Variants in NAA40 observed in about 807,000 individuals in gnomAD.
NAA40 encodes N-alpha-acetyltransferase 40, NatD catalytic subunit.
Under a neutral mutation model 36.6 loss-of-function variants are expected in NAA40, and 26 were observed. The ratio of observed to expected loss-of-function variants is 0.71; its 90% CI spans 0.52 to 0.98. The LOEUF (loss-of-function observed/expected upper bound fraction) is 0.98, where lower values mean the gene tolerates loss of function less well. Among genes scored for constraint, NAA40 ranks in the 50% least tolerant of loss-of-function variants. NAA40 has a pLI of 0.00. For missense variants in NAA40, 237 were observed against 306.5 expected, an observed-to-expected ratio of 0.77 and a Z score of 1.69; for synonymous variants, 129 against 108.4, an observed-to-expected ratio of 1.19 and a Z score of -1.18.
In NAA40 at chr11:63,939,103, G is replaced by A. The variant is rs1942063661; in HGVS notation, c.6+1G>A. On this transcript the variant is annotated splice_donor_variant, in intron 1 of 7. Coordinates refer to ENST00000377793, the MANE Select transcript of NAA40 (RefSeq NM_024771.4). LOFTEE classifies it high-confidence loss of function. ...GAGCGTTGTCGCCGCCGCTATGGGGGTGAGTGAGGCAGAGAGAGGAGATGG... is the reference window on the plus strand; with the variant it reads ...GAGCGTTGTCGCCGCCGCTATGGGGATGAGTGAGGCAGAGAGAGGAGATGG... The A allele has an allele frequency of 1.9e-6, 3 of 1,605,352 alleles. No homozygotes were observed. Among genetic ancestry groups the A allele is most frequent in the South Asian group, 1.1e-5 (1 of 90,750 alleles).
In NAA40 at chr11:63,956,990, A is replaced by G. The variant is rs923851655; in HGVS notation, c.*2511A>G. 6.6e-6 allele frequency: 1 copy of G among 151,418 alleles called. No homozygotes were observed. The allele number at this position is 151,418 out of a possible 1,614,324, so 9.4% of individuals were successfully genotyped here. A position where few individuals can be genotyped will look rare whatever the true frequency, so the allele number is the denominator to read the frequency against. Reference sequence around the variant, plus strand: ...TCCATCTCAAAAAAAAAAAAAAGAGAAACATAGCAGGCCTTTTTTACCAGG... The same window carrying G: ...TCCATCTCAAAAAAAAAAAAAAGAGGAACATAGCAGGCCTTTTTTACCAGG... On this transcript the variant is annotated 3_prime_UTR_variant, in exon 8 of 8. Transcript: ENST00000377793.
chr11:63,954,196 G>GCTCCTGT, intron 7 of NAA40, 142 bp from the exon 8 acceptor site: 1 of 1,319,376 alleles, frequency 7.6e-7, no homozygotes, highest in Non-Finnish European at 1.0e-6. Flanking sequence ...GTATGGCAGT[G>GCTCCTGT]CTCTCTGATT....
chr11:63,944,946 G>C (rs1942162796), intron 1 of NAA40, among the ~76,000 whole-genome samples: 1 of 151,740 alleles, frequency 6.6e-6, no homozygotes, highest in Non-Finnish European at 1.5e-5. Context: ...TTTTGGATGA[G>C]GCCTGCCAGG....
At chr11:63,941,587 T>C (rs1421950290) in intron 1 of NAA40, among the ~76,000 whole-genome samples, 1 of 152,088 alleles carries the variant, frequency 6.6e-6, no homozygotes, top group African/African-American at 2.4e-5. Flanking sequence ...AGTTGTGCTC[T>C]TTTTGCCCAG....
At chr11:63,953,462 G>GC (rs1942314179) in intron 6 of NAA40, among the ~76,000 whole-genome samples, 1 of 152,234 alleles carries the variant, frequency 6.6e-6, no homozygotes, top group South Asian at 2.1e-4. Context: ...CAGGGCCGAT[G>GC]CCTGTGCAGT....
intron 1 of NAA40, among the ~76,000 whole-genome samples, chr11:63,940,363 A>G (rs998803336): frequency 6.6e-6 from 1 of 152,168 alleles, no homozygotes; most frequent in Non-Finnish European, 1.5e-5. Context: ...TAGTATTTAC[A>G]TGGAATTTCC....
At chr11:63,948,496 A>G (rs1005265834) in intron 3 of NAA40, among the ~76,000 whole-genome samples, 4 of 150,768 alleles carry the variant, frequency 2.7e-5, no homozygotes, top group Non-Finnish European at 5.9e-5. Context: ...AGGTGGGCGG[A>G]TCACGAGGTC....
rs1175932000 is a variant in NAA40, at chr11:63,945,861, G to C, written c.28G>C (p.Glu10Gln). Residue 10 changes from glutamate to glutamine, a missense_variant, in exon 2 of 8, where the codon GAG (glutamate) becomes CAG (glutamine). Coordinates refer to ENST00000377793, the MANE Select transcript of NAA40 (RefSeq NM_024771.4). ...GCAGAGAAAGTCAAGCAAAGCCAAG[G>C]AGAAGAAGCAGAAGCGGTTGGAGGA... MGRKSSKAK[E>Q]KKQKRLEERA... 6.2e-7 allele frequency: 1 copy of C among 1,614,166 alleles called. No homozygotes were observed.
At chr11:63,940,040 CTTTTTTTTTTTTT>C (rs10618202) in intron 1 of NAA40, among the ~76,000 whole-genome samples, 3 of 77,752 alleles carry the variant, frequency 3.9e-5, no homozygotes, top group Admixed American at 1.8e-4. Context: ...TGGCTGTATT[CTTTTTTTTTTTTT>C]TTTTTTTTTT....
intron 1 of NAA40, 141 bp downstream of exon 1, chr11:63,939,243 C>G: frequency 7.8e-7 from 1 of 1,283,990 alleles, no homozygotes; most frequent in Non-Finnish European, 1.0e-6. Flanking sequence ...TGACCCGACT[C>G]CCCCATTCTA....
intron 2 of NAA40, chr11:63,946,227 A>G (rs773217670): frequency 5.9e-5 from 22 of 370,944 alleles, no homozygotes; most frequent in South Asian, 3.6e-4. Context: ...TTTGTGTGAG[A>G]CAGGGTCTCA....
In NAA40 at chr11:63,954,045, T is replaced by C; in HGVS notation, c.568T>C (p.Leu190=). 2.5e-6 allele frequency: 4 copies of C among 1,614,142 alleles called. No homozygotes were observed. Among genetic ancestry groups the C allele is most frequent in the South Asian group, 1.1e-5 (1 of 91,080 alleles). Reference sequence around the variant, plus strand: ...TGCCTACCAGTTCTTCAGAGAAGCGTTGCAGTAAGGAGCTGGGTGTGGGCC... The same window carrying C: ...TGCCTACCAGTTCTTCAGAGAAGCGCTGCAGTAAGGAGCTGGGTGTGGGCC... The part of the protein sequence containing the change: ...HGAYQFFREA[L]QFEIDDSSPS... The change falls in exon 7 of 8, where the codon TTG becomes CTG. Residue 190 remains leucine, a synonymous_variant. Coordinates refer to ENST00000377793, the MANE Select transcript of NAA40 (RefSeq NM_024771.4).
intron 3 of NAA40, among the ~76,000 whole-genome samples, chr11:63,950,583 CGCCGGAGTA>C (rs1942264215): frequency 6.6e-6 from 1 of 152,032 alleles, no homozygotes; most frequent in Non-Finnish European, 1.5e-5. Flanking sequence ...CTGCCTCAGC[CGCCGGAGTA>C]GCTGGGATTA....
intron 3 of NAA40, among the ~76,000 whole-genome samples, chr11:63,950,455 T>C (rs1942261785): frequency 6.7e-6 from 1 of 149,298 alleles, no homozygotes; most frequent in Non-Finnish European, 1.5e-5. Context: ...TATCCCATAT[T>C]GTGATATCTC....
At chr11:63,941,047 C>A (rs941291269) in intron 1 of NAA40, among the ~76,000 whole-genome samples, 2 of 152,196 alleles carry the variant, frequency 1.3e-5, no homozygotes, top group African/African-American at 4.8e-5. Context: ...CCCTCAACAC[C>A]ATAAGACAGG....
chr11:63,946,609 G>A (rs1942190992), intron 2 of NAA40: 3 of 1,281,608 alleles, frequency 2.3e-6, no homozygotes, highest in Admixed American at 3.3e-5. Flanking sequence ...TCCATTTGGA[G>A]TTGTAACCAG....
intron 1 of NAA40, among the ~76,000 whole-genome samples, chr11:63,939,904 A>G (rs1942079788): frequency 1.3e-5 from 2 of 151,966 alleles, no homozygotes; most frequent in Non-Finnish European, 2.9e-5. Flanking sequence ...GGTGCATTTT[A>G]GTTTACTTTC....
chr11:63,939,301 G>A (rs949799871), intron 1 of NAA40, 199 bp downstream of exon 1: 3 of 1,267,070 alleles, frequency 2.4e-6, no homozygotes, highest in Non-Finnish European at 3.0e-6. Context: ...GAGAGCCCCT[G>A]GTCCGGGGCC....
chr11:63,949,851 T>A (rs1942248457), intron 3 of NAA40, among the ~76,000 whole-genome samples: 1 of 150,382 alleles, frequency 6.6e-6, no homozygotes, highest in South Asian at 2.2e-4. Flanking sequence ...TTCACGCCAT[T>A]ATCCTGCCTC....
Sources: gnomAD v4.1 joint callset for allele counts (sites outside exome capture counted in the v4.1 genomes callset) on GRCh38, gnomAD v4.1.1 for gene constraint, MANE v1.5 for transcripts, NCBI Gene and HGNC (gene_info 2026-07-23, HGNC 2026-07-21) for gene names.